Variants in PTPRD observed in about 807,000 individuals in gnomAD.
The protein encoded by PTPRD is receptor-type tyrosine-protein phosphatase delta.
Under a neutral mutation model 214.5 loss-of-function variants are expected in PTPRD, and 34 were observed. The observed-to-expected ratio is 0.16, with a 90% CI of 0.12 to 0.21. PTPRD has a LOEUF of 0.21. Ranked by LOEUF, PTPRD falls within the 10% of genes least tolerant of loss-of-function variation. PTPRD has a pLI of 1.00. For synonymous variants in PTPRD, 1,128 were observed against 845.7 expected (o/e 1.33, Z -5.79); for missense variants, 2,545 against 2,398.7 (o/e 1.06, Z -1.27).
intron 30 of PTPRD, among the ~76,000 whole-genome samples, chr9:8,475,614 TTAAAA>T (rs1469119102): frequency 9.9e-5 from 15 of 152,194 alleles, no homozygotes; most frequent in African/African-American, 3.1e-4. Context: ...TTTACTGTGG[TTAAAA>T]TAAAAGAAAT....
At chr9:9,351,821 C>T (rs561740476) in intron 9 of PTPRD, among the ~76,000 whole-genome samples, 5 of 151,970 alleles carry the variant, frequency 3.3e-5, no homozygotes, top group Non-Finnish European at 5.9e-5. Context: ...ATTTTGGACT[C>T]ATTGTTTAAA....
chr9:9,551,447 G>C (rs553181163), intron 8 of PTPRD, among the ~76,000 whole-genome samples: 2 of 151,932 alleles, frequency 1.3e-5, no homozygotes, highest in African/African-American at 4.8e-5. Context: ...ATCAATACAA[G>C]TCTTTTATTC....
chr9:10,150,355 T>G (rs1279386321), intron 3 of PTPRD, among the ~76,000 whole-genome samples: 2 of 152,104 alleles, frequency 1.3e-5, no homozygotes, highest in Non-Finnish European at 2.9e-5. Context: ...GTTCATGTCC[T>G]TTGTAGGGAC....
intron 8 of PTPRD, among the ~76,000 whole-genome samples, chr9:9,481,163 G>C (rs1049701014): frequency 6.6e-6 from 1 of 152,102 alleles, no homozygotes; most frequent in African/African-American, 2.4e-5. Flanking sequence ...GCGAGGATGA[G>C]GGCAGACTAG....
intron 12 of PTPRD, among the ~76,000 whole-genome samples, chr9:8,665,308 G>A (rs1337873321): frequency 1.3e-5 from 2 of 152,348 alleles, no homozygotes; most frequent in East Asian, 3.9e-4. Flanking sequence ...ACTGTAGGCA[G>A]CCCTTCCCCT....
intron 2 of PTPRD, among the ~76,000 whole-genome samples, chr9:10,343,699 G>C (rs1357080349): frequency 6.6e-6 from 1 of 152,032 alleles, no homozygotes; most frequent in Non-Finnish European, 1.5e-5. Flanking sequence ...TCTCACTGTG[G>C]TTTTCATTTG....
chr9:10,311,215 G>T (rs2096259018), intron 3 of PTPRD, among the ~76,000 whole-genome samples: 1 of 151,720 alleles, frequency 6.6e-6, no homozygotes, highest in South Asian at 2.1e-4. Context: ...TCTTAACTTT[G>T]TCTTTCTTAA....
chr9:9,251,527 T>C (rs570376114), intron 9 of PTPRD, among the ~76,000 whole-genome samples: 2 of 152,118 alleles, frequency 1.3e-5, no homozygotes, highest in Non-Finnish European at 2.9e-5. Context: ...TCAAGGGTGT[T>C]TCTCTGTCAA....
At chr9:10,543,182 G>A (rs1349092123) in intron 2 of PTPRD, among the ~76,000 whole-genome samples, 1 of 152,050 alleles carries the variant, frequency 6.6e-6, no homozygotes, top group African/African-American at 2.4e-5. Context: ...ACCACGCCCG[G>A]CCACTAGCTT....
intron 7 of PTPRD, among the ~76,000 whole-genome samples, chr9:9,659,808 G>C (rs1016726639): frequency 6.6e-6 from 1 of 151,998 alleles, no homozygotes; most frequent in Non-Finnish European, 1.5e-5. Context: ...TGAAAATTGG[G>C]ACGTTCCCAA....
intron 3 of PTPRD, among the ~76,000 whole-genome samples, chr9:10,265,633 G>A (rs530527254): frequency 6.6e-6 from 1 of 152,278 alleles, no homozygotes; most frequent in African/African-American, 2.4e-5. Context: ...GGCAGCCACA[G>A]ACAACAAGTA....
intron 8 of PTPRD, among the ~76,000 whole-genome samples, chr9:9,471,326 T>C (rs2094572135): frequency 6.6e-6 from 1 of 152,176 alleles, no homozygotes; most frequent in East Asian, 1.9e-4. Flanking sequence ...GCTGAACTTA[T>C]TATACTGTCA....
At chr9:8,660,273 A>C (rs750428439) in intron 12 of PTPRD, among the ~76,000 whole-genome samples, 28 of 152,156 alleles carry the variant, frequency 1.8e-4, no homozygotes, top group Admixed American at 4.6e-4. Context: ...TACACGTAAC[A>C]GGGATTTATT....
intron 10 of PTPRD, among the ~76,000 whole-genome samples, chr9:9,155,155 C>A (rs186434179): frequency 1.3e-5 from 2 of 152,262 alleles, no homozygotes; most frequent in African/African-American, 4.8e-5. Context: ...CTCTAAGATG[C>A]ATTGAAGGGT....
In PTPRD at chr9:9,460,644, G is replaced by A. The variant is rs533631771; in HGVS notation, c.-236-63162C>T. The stretch of plus-strand genomic sequence containing the variant: ...ATAAGATACCATCTTATACCAAATA[G>A]AATAACTATTATTAAAAAGTAAAAA... On this transcript the variant is annotated intron_variant, in intron 8 of 45. Coordinates refer to ENST00000381196, the MANE Select transcript of PTPRD (RefSeq NM_002839.4). Among the ~76,000 whole-genome samples, 5 of 152,012 alleles carry A rather than the reference G, an allele frequency of 3.3e-5. No individual in the cohort carries two copies. In the East Asian group the frequency reaches 7.8e-4, roughly 24 times the overall value.
intron 10 of PTPRD, among the ~76,000 whole-genome samples, chr9:9,136,529 G>T (rs1457955825): frequency 6.6e-6 from 1 of 151,820 alleles, no homozygotes; most frequent in Non-Finnish European, 1.5e-5. Flanking sequence ...CTAGAAAAAA[G>T]GTTAAAAAGA....
At chr9:10,527,660 A>C (rs1479116059) in intron 2 of PTPRD, among the ~76,000 whole-genome samples, 1 of 152,172 alleles carries the variant, frequency 6.6e-6, no homozygotes, top group East Asian at 1.9e-4. Flanking sequence ...AAATTCAATC[A>C]ACTTTAAGGA....
At chr9:8,366,644 T>C (rs1005805575) in intron 39 of PTPRD, among the ~76,000 whole-genome samples, 5 of 152,062 alleles carry the variant, frequency 3.3e-5, no homozygotes, top group Admixed American at 2.0e-4. Flanking sequence ...AGTCTGACAT[T>C]ATGACTCACT....
chr9:8,451,799 A>T, intron 33 of PTPRD: 1 of 425,586 alleles, frequency 2.3e-6, no homozygotes, highest in Admixed American at 2.7e-5. Context: ...TAAAATTTGG[A>T]TTTTTCTCCC....
Sources: gnomAD v4.1 joint callset for allele counts (sites outside exome capture counted in the v4.1 genomes callset) on GRCh38, gnomAD v4.1.1 for gene constraint, MANE v1.5 for transcripts, NCBI Gene and HGNC (gene_info 2026-07-23, HGNC 2026-07-21) for gene names.